Variants in POFUT2 observed in about 807,000 individuals in gnomAD.
The protein encoded by POFUT2 is GDP-fucose protein O-fucosyltransferase 2.
A neutral mutation model predicts 55.0 loss-of-function variants in POFUT2; 30 were observed. That is an observed-to-expected ratio of 0.55 (90% CI 0.41 to 0.74). POFUT2 has a LOEUF of 0.74. POFUT2 is among the 30% of genes least tolerant of loss of function. The pLI is 0.00. For missense variants in POFUT2, 524 were observed against 562.6 expected (o/e 0.93, Z 0.69); for synonymous variants, 267 against 231.1 (o/e 1.16, Z -1.41).
intron 8 of POFUT2, chr21:45,266,052 C>T: frequency 8.1e-7 from 1 of 1,234,234 alleles, no homozygotes; most frequent in African/African-American, 1.5e-5. Flanking sequence ...CATGGCGGGT[C>T]CTTATCCTGA....
rs1422453247 is a variant in POFUT2 at position 45,277,517 on chromosome 21, G to A, written c.706-375C>T. 2 of 294,072 alleles carry A rather than the reference G, an allele frequency of 6.8e-6. No homozygotes were observed. Among genetic ancestry groups the A allele is most frequent in the Non-Finnish European group, 6.6e-6 (1 of 151,840 alleles). 18.2% of individuals were successfully genotyped at this position (294,072 alleles called of 1,614,324 possible). On this transcript the variant is annotated intron_variant, in intron 5 of 8. Coordinates refer to ENST00000349485, the MANE Select transcript of POFUT2 (RefSeq NM_133635.6). The surrounding 1 kb of genome is among the most constrained non-coding windows in gnomAD (Gnocchi z 6.9). The stretch of plus-strand genomic sequence containing the variant: ...GTTAGCACATCCTGCTTTGCCAAAC[G>A]GGGTGGGACTGACCTGCACAAAGTC...
rs183836567 is a variant in POFUT2 at position 45,266,337 on chromosome 21, G to A, written c.1137-702C>T. On this transcript the variant is annotated intron_variant, in intron 8 of 8. Transcript: ENST00000349485. ...GCCACACAGGCCTGTATGCTGCTGC[G>A]GGGTGCAGCACTGGTGGGGAGACCC... 6.7e-6 allele frequency: 9 copies of A among 1,350,490 alleles called. No homozygotes were observed. In the East Asian group the frequency reaches 2.3e-4, roughly 35 times the overall value. The allele number at this position is 1,350,490 out of a possible 1,614,324, so 83.7% of individuals were successfully genotyped here. A position where few individuals can be genotyped will look rare whatever the true frequency, so the allele number is the denominator to read the frequency against.
chr21:45,265,986 G>A lies in POFUT2; in HGVS notation c.1137-351C>T, dbSNP rs956041977. 50 of 1,222,602 alleles carry A rather than the reference G, an allele frequency of 4.1e-5. No homozygotes were observed. Among genetic ancestry groups the A allele is most frequent in the Middle Eastern group, 3.5e-4 (1 of 2,844 alleles). 75.7% of individuals were successfully genotyped at this position (1,222,602 alleles called of 1,614,324 possible). On this transcript the variant is annotated intron_variant, in intron 8 of 8. Transcript: ENST00000349485. The surrounding 1 kb of genome is among the most constrained non-coding windows in gnomAD (Gnocchi z 4.6). ...CCAGTGCAGGTCGAATACCTCCTGG[G>A]GGTCACATGGTGAACAATGAGAGAT...
In POFUT2 at chr21:45,285,433, A is replaced by C; in HGVS notation, c.382+245T>G. ...TAAGGGCGGCTCTAACTGAGGGGGC[A>C]CAAAGCTCATCCACTTCAGGTCCAT... On this transcript the variant is annotated intron_variant, in intron 2 of 8. Coordinates refer to ENST00000349485, the MANE Select transcript of POFUT2 (RefSeq NM_133635.6). This position sits in a 1 kb window ranked among gnomAD's most constrained non-coding sequence, Gnocchi z 4.9. 1 of 534,826 alleles carries C rather than the reference A, an allele frequency of 1.9e-6. No individual in the cohort carries two copies. 33.1% of individuals were successfully genotyped at this position (534,826 alleles called of 1,614,324 possible).
intron 6 of POFUT2, among the ~76,000 whole-genome samples, chr21:45,276,576 G>A (rs1270696679): frequency 2.0e-5 from 3 of 152,216 alleles, no homozygotes; most frequent in South Asian, 2.1e-4. Context: ...AATAAGAAAA[G>A]GATGATTCTA....
chr21:45,278,093 A>C lies in POFUT2; in HGVS notation c.705+10T>G. 6.2e-7 allele frequency: 1 copy of C among 1,610,628 alleles called. No individual in the cohort carries two copies. Among genetic ancestry groups the C allele is most frequent in the Non-Finnish European group, 8.5e-7 (1 of 1,176,782 alleles). On this transcript the variant is annotated intron_variant, in intron 5 of 8. Coordinates refer to ENST00000349485, the MANE Select transcript of POFUT2 (RefSeq NM_133635.6). ...CTAACTGAGAAAAACGCTCCCGAGGAAACACTCACATCCCAGTATTCTTTC... is the reference window on the plus strand; with the variant it reads ...CTAACTGAGAAAAACGCTCCCGAGGCAACACTCACATCCCAGTATTCTTTC...
At position 45,285,519 on chromosome 21, in the gene POFUT2, G is replaced by A. The variant is rs1368878831; in HGVS notation, c.382+159C>T. On this transcript the variant is annotated intron_variant, in intron 2 of 8. Transcript: ENST00000349485. The surrounding 1 kb of genome is among the most constrained non-coding windows in gnomAD (Gnocchi z 4.9). ...GGGAAAGGGACTGTGCTCCTGAACG[G>A]AGGAGGTGCTGCCACAGGCCTCAGG... The A allele has an allele frequency of 1.2e-6, 1 of 811,892 alleles. No individual in the cohort carries two copies. Among genetic ancestry groups the A allele is most frequent in the South Asian group, 1.4e-5 (1 of 70,816 alleles). The allele number at this position is 811,892 out of a possible 1,614,324, so 50.3% of individuals were successfully genotyped here.
At chr21:45,278,323 G>A (rs981882191) in intron 4 of POFUT2, among the ~76,000 whole-genome samples, 154 bp from the exon 5 acceptor site, 2 of 152,246 alleles carry the variant, frequency 1.3e-5, no homozygotes, top group Non-Finnish European at 2.9e-5. Context: ...GGTTATGGCT[G>A]AGACACAGGC....
intron 2 of POFUT2, 139 bp from the exon 3 acceptor site, chr21:45,283,666 CAG>C: frequency 1.1e-6 from 1 of 871,272 alleles, no homozygotes; most frequent in Non-Finnish European, 1.8e-6. Context: ...CTCACAAAAG[CAG>C]AGACAGGGCA....
chr21:45,285,949 C>T lies in POFUT2; in HGVS notation c.132-21G>A. On this transcript the variant is annotated intron_variant, in intron 1 of 8. Transcript: ENST00000349485. The surrounding 1 kb of genome is among the most constrained non-coding windows in gnomAD (Gnocchi z 4.9). The stretch of plus-strand genomic sequence containing the variant: ...GATACCTGAGCAGGGAGAAGGAGGA[C>T]CACAGGTCTCAAATGCTGAGGTTTC... 6.3e-7 allele frequency: 1 copy of T among 1,582,616 alleles called. No individual in the cohort carries two copies. The highest frequency in any genetic ancestry group is 1.1e-5 in the South Asian group (1 of 89,236).
At chr21:45,286,661 A>T (rs576916547) in intron 1 of POFUT2, among the ~76,000 whole-genome samples, 1 of 152,172 alleles carries the variant, frequency 6.6e-6, no homozygotes, top group East Asian at 1.9e-4. Flanking sequence ...GAAGGACACA[A>T]AGCGCCCCAA....
In POFUT2 at chr21:45,281,948, C is replaced by T. The variant is rs111546497; in HGVS notation, c.638+401G>A. ...GGTGGCTGCATGATCCTCCCCAGAC[C>T]CGTGAGGCAGAAAACAGATCAAACA... On this transcript the variant is annotated intron_variant, in intron 4 of 8. Coordinates refer to ENST00000349485, the MANE Select transcript of POFUT2 (RefSeq NM_133635.6). This position sits in a 1 kb window ranked among gnomAD's most constrained non-coding sequence, Gnocchi z 5.0. Among the ~76,000 whole-genome samples, 251 of 152,244 alleles carry T rather than the reference C, an allele frequency of 1.6e-3. No homozygotes were observed. Among genetic ancestry groups the T allele is most frequent in the African/African-American group, 5.7e-3 (238 of 41,544 alleles).
chr21:45,286,007 GCGCGTGGCCCGA>G, intron 1 of POFUT2, 79 bp from the exon 2 acceptor site: 1 of 1,355,848 alleles, frequency 7.4e-7, no homozygotes, highest in Non-Finnish European at 1.0e-6. Context: ...ACAAGTCTCA[GCGCGTGGCCCGA>G]CTCTAGGCAC....
At position 45,285,621 on chromosome 21, in the gene POFUT2, T is replaced by C. The variant is rs1295796020; in HGVS notation, c.382+57A>G. On this transcript the variant is annotated intron_variant, in intron 2 of 8. Transcript: ENST00000349485. The surrounding 1 kb of genome is among the most constrained non-coding windows in gnomAD (Gnocchi z 4.9). ...CCCAACCTGATGTCTACCTTAGAAA[T>C]GACTGCCTGGCCCCAGTTAAGCAAC... 1 of 1,609,458 alleles carries C rather than the reference T, an allele frequency of 6.2e-7. No homozygotes were observed. The highest frequency in any genetic ancestry group is 1.7e-5 in the Admixed American group (1 of 60,010).
Position 45,283,325 on chromosome 21 carries a change from A to ATGCGGCAGGGGGGGGGGGGGGGGCACC in POFUT2, c.527+57_527+58insGGTGCCCCCCCCCCCCCCCCTGCCGCA. ...GCCTGAGGCGGGGGGGGGGGGACGC[A>ATGCGGCAGGGGGGGGGGGGGGGGCACC]TGCGGCAGGGGGAGGTGGGGGGGCA... On this transcript the variant is annotated intron_variant, in intron 3 of 8. Coordinates refer to ENST00000349485, the MANE Select transcript of POFUT2 (RefSeq NM_133635.6). 3 of 673,932 alleles carry ATGCGGCAGGGGGGGGGGGGGGGGCACC rather than the reference A, an allele frequency of 4.5e-6. No homozygotes were observed. In the South Asian group the frequency reaches 6.1e-5, roughly 14 times the overall value. The allele number at this position is 673,932 out of a possible 1,614,324, so 41.7% of individuals were successfully genotyped here.
chr21:45,275,097 C>T (rs536666407), intron 6 of POFUT2, among the ~76,000 whole-genome samples: 4 of 152,196 alleles, frequency 2.6e-5, no homozygotes, highest in African/African-American at 9.6e-5. Context: ...CAAATAATCC[C>T]ATCAAAACAT....
In POFUT2 at chr21:45,265,297, CG is replaced by C; in HGVS notation, c.*184del. 1 of 454,254 alleles carries C rather than the reference CG, an allele frequency of 2.2e-6. No individual in the cohort carries two copies. Among genetic ancestry groups the C allele is most frequent in the African/African-American group, 2.0e-5 (1 of 49,806 alleles). 28.1% of individuals were successfully genotyped at this position (454,254 alleles called of 1,614,324 possible). On this transcript the variant is annotated 3_prime_UTR_variant, in exon 9 of 9. Coordinates refer to ENST00000349485, the MANE Select transcript of POFUT2 (RefSeq NM_133635.6). The surrounding 1 kb of genome is among the most constrained non-coding windows in gnomAD (Gnocchi z 4.6). ...AGCGGAGCCTCTTCATCAGCCATGG[CG>C]GCTGGCAACGCCGAGGACGGAGCCC... is the stretch of plus-strand genomic sequence containing the variant.
At chr21:45,278,198 G>T in intron 4 of POFUT2, 29 bp from the exon 5 acceptor site, 1 of 1,561,610 alleles carries the variant, frequency 6.4e-7, no homozygotes, top group Non-Finnish European at 8.8e-7. Context: ...AGAATAAACA[G>T]TTATAAGAGT....
At chr21:45,268,207 G>C (rs1455262569) in intron 7 of POFUT2, among the ~76,000 whole-genome samples, 1 of 152,262 alleles carries the variant, frequency 6.6e-6, no homozygotes, top group Admixed American at 6.5e-5. Flanking sequence ...CCGGTCTCCA[G>C]CCCCTAACCG....
Sources: gnomAD v4.1 joint callset for allele counts (sites outside exome capture counted in the v4.1 genomes callset) on GRCh38, gnomAD v4.1.1 for gene constraint, Gnocchi (gnomAD v3.1) non-coding constraint, MANE v1.5 for transcripts, NCBI Gene and HGNC (gene_info 2026-07-23, HGNC 2026-07-21) for gene names.